The following PADI4 variants were observed in gnomAD, a reference collection of about 807,000 sequenced individuals.
The protein encoded by PADI4 is peptidyl arginine deiminase 4, also known as protein-arginine deiminase type-4.
Under a neutral mutation model 75.0 loss-of-function variants are expected in PADI4, and 62 were observed. That is an observed-to-expected ratio of 0.83 (90% CI 0.67 to 1.02). The LOEUF (loss-of-function observed/expected upper bound fraction) is 1.02, where lower values mean the gene tolerates loss of function less well. PADI4 is among the 50% of genes least tolerant of loss of function. PADI4 has a pLI of 0.00. For missense variants in PADI4, 845 were observed against 850.5 expected, an observed-to-expected ratio of 0.99 and a Z score of 0.08; for synonymous variants, 361 against 348.1, an observed-to-expected ratio of 1.04 and a Z score of -0.41.
chr1:17,311,176 T>C (rs1200910871), intron 1 of PADI4, among the ~76,000 whole-genome samples: 2 of 148,546 alleles, frequency 1.3e-5, no homozygotes, highest in African/African-American at 2.5e-5. Flanking sequence ...GGCACAAGAG[T>C]TGCTTGAACC....
Position 17,331,748 on chromosome 1 carries a change from T to C in PADI4, c.273+599T>C, listed in dbSNP as rs143028466. 3.2e-3 allele frequency among the ~76,000 whole-genome samples: 484 copies of C among 152,082 alleles called. 4 individuals carry two copies. The highest frequency in any genetic ancestry group is 0.011 in the African/African-American group (463 of 41,486). On this transcript the variant is annotated intron_variant, in intron 2 of 15. Coordinates refer to ENST00000375448, the MANE Select transcript of PADI4 (RefSeq NM_012387.3). Reference sequence around the variant, plus strand: ...GCCTGGCCAACACGGTGAAACCCCATCTCTATTAAAAATACAAAAATTAGC... The same window carrying C: ...GCCTGGCCAACACGGTGAAACCCCACCTCTATTAAAAATACAAAAATTAGC...
intron 15 of PADI4, 37 bp downstream of exon 15, chr1:17,359,445 C>A: frequency 6.2e-7 from 1 of 1,612,994 alleles, no homozygotes; most frequent in Non-Finnish European, 8.5e-7. Context: ...CAGGGTGTGG[C>A]ATGGAGGTAG....
chr1:17,331,077 A>G lies in PADI4; in HGVS notation c.201A>G (p.Thr67=), dbSNP rs1175529124. ...AGAAGAAATCCACAGGTTCCTCCAC[A>G]TGGCCCCTGGACCCTGGGGTAGAGG... ...PAKKKSTGSS[T]WPLDPGVEVT... is the part of the protein sequence containing the mutation. Residue 67 remains threonine (T), a synonymous_variant, in exon 2 of 16, where the codon ACA becomes ACG. Coordinates refer to ENST00000375448, the MANE Select transcript of PADI4 (RefSeq NM_012387.3). 2.5e-6 allele frequency: 4 copies of G among 1,612,170 alleles called. No individual in the cohort carries two copies. Among genetic ancestry groups the G allele is most frequent in the Non-Finnish European group, 3.4e-6 (4 of 1,179,222 alleles).
intron 11 of PADI4, 59 bp downstream of exon 11, chr1:17,354,746 G>A (rs1311347212): frequency 6.7e-7 from 1 of 1,499,174 alleles, no homozygotes; most frequent in Admixed American, 2.1e-5. Context: ...TAGAAAAGCA[G>A]AGGCCAGAGT....
chr1:17,311,638 C>T (rs2100645640), intron 1 of PADI4, among the ~76,000 whole-genome samples: 1 of 152,162 alleles, frequency 6.6e-6, no homozygotes, highest in Non-Finnish European at 1.5e-5. Flanking sequence ...AATTCTCCTG[C>T]CTCAGCCTCC....
At chr1:17,318,023 C>T (rs932271862) in intron 1 of PADI4, among the ~76,000 whole-genome samples, 8 of 152,146 alleles carry the variant, frequency 5.3e-5, no homozygotes, top group African/African-American at 1.9e-4. Context: ...AAAACCAAAA[C>T]AAACAAAAAA....
At chr1:17,347,571 C>T (rs940369338) in intron 9 of PADI4, among the ~76,000 whole-genome samples, 1 of 152,050 alleles carries the variant, frequency 6.6e-6, no homozygotes, top group African/African-American at 2.4e-5. Flanking sequence ...CCTCTGTGTC[C>T]CCACAGACCC....
intron 1 of PADI4, among the ~76,000 whole-genome samples, chr1:17,328,315 T>C (rs2074148761): frequency 6.6e-6 from 1 of 151,824 alleles, no homozygotes; most frequent in Admixed American, 6.6e-5. Flanking sequence ...TGAGCCACCG[T>C]GCTCGGCCAA....
intron 10 of PADI4, among the ~76,000 whole-genome samples, chr1:17,352,781 A>G (rs1297665134): frequency 6.6e-6 from 1 of 152,234 alleles, no homozygotes. Context: ...ACAATTGGTC[A>G]ACATCCAAAT....
At chr1:17,333,391 C>T (rs2074251229) in intron 2 of PADI4, among the ~76,000 whole-genome samples, 1 of 151,980 alleles carries the variant, frequency 6.6e-6, no homozygotes, top group African/African-American at 2.4e-5. Context: ...CCCAGATGCT[C>T]CACCCTCCTC....
chr1:17,309,506 C>A (rs1212856169), intron 1 of PADI4, among the ~76,000 whole-genome samples: 1 of 151,972 alleles, frequency 6.6e-6, no homozygotes, highest in Non-Finnish European at 1.5e-5. Context: ...GAAATGTTAG[C>A]CTGACTGAGC....
chr1:17,314,520 T>C (rs1396534327), intron 1 of PADI4, among the ~76,000 whole-genome samples: 2 of 152,180 alleles, frequency 1.3e-5, no homozygotes, highest in Non-Finnish European at 2.9e-5. Context: ...CTTCATTTAT[T>C]GTTATTATTA....
intron 15 of PADI4, among the ~76,000 whole-genome samples, chr1:17,361,949 CA>C (rs950545313): frequency 9.2e-5 from 14 of 152,160 alleles, no homozygotes; most frequent in African/African-American, 3.1e-4. Flanking sequence ...GAGTGACTGC[CA>C]GAGCTCAGGG....
intron 10 of PADI4, among the ~76,000 whole-genome samples, chr1:17,351,753 T>G (rs898030066): frequency 2.6e-5 from 4 of 152,060 alleles, no homozygotes; most frequent in African/African-American, 9.7e-5. Context: ...AAGAGTGTTG[T>G]AGGCAGTGAA....
chr1:17,334,152 C>A, intron 3 of PADI4, 143 bp downstream of exon 3: 1 of 633,902 alleles, frequency 1.6e-6, no homozygotes, highest in East Asian at 2.8e-5. Context: ...GCCAGTCAGA[C>A]ATCTGGGAGT....
At chr1:17,318,433 G>C (rs1056875819) in intron 1 of PADI4, among the ~76,000 whole-genome samples, 1 of 152,210 alleles carries the variant, frequency 6.6e-6, no homozygotes, top group Non-Finnish European at 1.5e-5. Context: ...GTCATCTGCT[G>C]CAGGCATGTG....
At chr1:17,338,901 T>C (rs2074365058) in intron 5 of PADI4, among the ~76,000 whole-genome samples, 1 of 152,168 alleles carries the variant, frequency 6.6e-6, no homozygotes, top group Admixed American at 6.5e-5. Flanking sequence ...AAGTTGCATG[T>C]AGTTGGCCTG....
chr1:17,325,363 G>GT (rs932450911), intron 1 of PADI4, among the ~76,000 whole-genome samples: 7 of 151,938 alleles, frequency 4.6e-5, no homozygotes, highest in Admixed American at 6.6e-5. Context: ...AATTACATCA[G>GT]TTTTTTAAAA....
chr1:17,354,676 C>CT lies in PADI4; in HGVS notation c.1300dup (p.Cys434LeufsTer6), dbSNP rs2074729725. The CT allele has an allele frequency of 6.2e-7, 1 of 1,605,970 alleles. No individual in the cohort carries two copies. Among genetic ancestry groups the CT allele is most frequent in the East Asian group, 2.2e-5 (1 of 44,778 alleles). Reference sequence around the variant, plus strand: ...TGGGCAGGATTCTCTTCGGGGACAGCTGTTATCCCAGGTAAGGAGGGGAGT... The same window carrying CT: ...TGGGCAGGATTCTCTTCGGGGACAGCTTGTTATCCCAGGTAAGGAGGGGAGT... On this transcript the variant is annotated frameshift_variant, in exon 11 of 16. Coordinates refer to ENST00000375448, the MANE Select transcript of PADI4 (RefSeq NM_012387.3). LOFTEE classifies it high-confidence loss of function.
Sources: allele counts gnomAD v4.1 joint callset (sites outside exome capture counted in the v4.1 genomes callset), GRCh38; gene constraint gnomAD v4.1.1; transcripts MANE v1.5; gene names NCBI Gene and HGNC (gene_info 2026-07-23, HGNC 2026-07-21).